Variants in GABRR1 observed in about 807,000 individuals in gnomAD.
The protein encoded by GABRR1 is gamma-aminobutyric acid receptor subunit rho-1.
In GABRR1, 59 loss-of-function variants were observed where a neutral mutation model predicts 55.5. That is an observed-to-expected ratio of 1.06 (90% CI 0.86 to 1.32). The LOEUF is 1.32. Among genes scored for constraint, GABRR1 ranks in the 40% most tolerant of loss-of-function variants. The pLI is 0.00. For synonymous variants in GABRR1, 213 were observed against 226.0 expected (o/e 0.94, Z 0.51); for missense variants, 602 against 619.1 (o/e 0.97, Z 0.29).
At chr6:89,209,950 C>T (rs538553157) in intron 1 of GABRR1, among the ~76,000 whole-genome samples, 3 of 152,200 alleles carry the variant, frequency 2.0e-5, no homozygotes, top group Admixed American at 2.0e-4. Context: ...TTGTGACGTA[C>T]AAAAACATTT....
At chr6:89,199,661 C>G (rs561480750) in intron 3 of GABRR1, among the ~76,000 whole-genome samples, 79 of 152,294 alleles carry the variant, frequency 5.2e-4, no homozygotes, top group African/African-American at 1.7e-3. Flanking sequence ...ATATGCTCAT[C>G]TGAAGGTATG....
chr6:89,198,436 G>A (rs1414536846), intron 4 of GABRR1, among the ~76,000 whole-genome samples, 193 bp from the exon 5 acceptor site: 2 of 150,786 alleles, frequency 1.3e-5, no homozygotes, highest in African/African-American at 2.4e-5. Context: ...GGGGCACAGC[G>A]TGGAACTCAG....
In GABRR1 at chr6:89,199,445, G is replaced by A. The variant is rs1385988106; in HGVS notation, c.281-16C>T. The A allele has an allele frequency of 1.2e-6, 2 of 1,612,904 alleles. No individual in the cohort carries two copies. Among genetic ancestry groups the A allele is most frequent in the African/African-American group, 1.3e-5 (1 of 75,020 alleles). ...ATGGCAGGGCCTGGGGACAGAGCAT[G>A]GCAAGAGCATTCACTGTTTTTACTT... On this transcript the variant is annotated splice_polypyrimidine_tract_variant and intron_variant, in intron 3 of 9. Coordinates refer to ENST00000454853, the MANE Select transcript of GABRR1 (RefSeq NM_002042.5).
intron 1 of GABRR1, among the ~76,000 whole-genome samples, chr6:89,230,833 T>C (rs1028340581): frequency 1.1e-4 from 16 of 150,642 alleles, no homozygotes; most frequent in African/African-American, 3.9e-4. Context: ...TAAGCAAGCC[T>C]GGGCAATGGC....
At chr6:89,189,108 A>C (rs1033783799) in intron 6 of GABRR1, among the ~76,000 whole-genome samples, 12 of 151,980 alleles carry the variant, frequency 7.9e-5, no homozygotes, top group Non-Finnish European at 1.5e-4. Context: ...ACATTCGCTT[A>C]GCCCTCTACT....
chr6:89,198,442 C>G (rs1352241687), intron 4 of GABRR1, among the ~76,000 whole-genome samples, 199 bp from the exon 5 acceptor site: 2 of 151,286 alleles, frequency 1.3e-5, no homozygotes, highest in African/African-American at 4.9e-5. Flanking sequence ...CAGCGTGGAA[C>G]TCAGAGAGAA....
At chr6:89,230,985 G>A (rs1773278580) in intron 1 of GABRR1, among the ~76,000 whole-genome samples, 1 of 151,954 alleles carries the variant, frequency 6.6e-6, no homozygotes, top group African/African-American at 2.4e-5. Flanking sequence ...TTTTAAGCCG[G>A]TCTGAAAAGC....
intron 5 of GABRR1, among the ~76,000 whole-genome samples, chr6:89,197,383 A>G (rs563456575): frequency 1.9e-4 from 29 of 152,358 alleles, no homozygotes; most frequent in Admixed American, 1.6e-3. Context: ...ATGTGCCTTG[A>G]GTACCATGAG....
chr6:89,182,091 C>A, intron 7 of GABRR1, 34 bp from the exon 8 acceptor site: 7 of 1,608,790 alleles, frequency 4.4e-6, no homozygotes, highest in Non-Finnish European at 5.9e-6. Context: ...CAGTACACAT[C>A]ATGGCTCCTT....
chr6:89,194,658 G>A (rs1428640719), intron 5 of GABRR1, among the ~76,000 whole-genome samples: 1 of 152,000 alleles, frequency 6.6e-6, no homozygotes, highest in Non-Finnish European at 1.5e-5. Flanking sequence ...ATTTATCAGA[G>A]AAATTTAACA....
chr6:89,213,027 T>C (rs1258766643), intron 1 of GABRR1, among the ~76,000 whole-genome samples: 1 of 152,194 alleles, frequency 6.6e-6, no homozygotes, highest in Admixed American at 6.5e-5. Flanking sequence ...CATTCTGATC[T>C]TGATTCTGCA....
intron 3 of GABRR1, among the ~76,000 whole-genome samples, chr6:89,200,231 TTC>T (rs1304904726): frequency 0.011 from 1,572 of 147,476 alleles, 19 homozygotes; most frequent in Non-Finnish European, 0.014. Context: ...AGATAATTAT[TTC>T]TTTTTCCCTT....
At chr6:89,185,857 C>T (rs373755802) in intron 6 of GABRR1, among the ~76,000 whole-genome samples, 39 of 152,210 alleles carry the variant, frequency 2.6e-4, no homozygotes, top group African/African-American at 8.2e-4. Context: ...CAAAGTGTGG[C>T]GACTCATCAA....
At chr6:89,185,483 G>A (rs406462) in intron 6 of GABRR1, 33 bp from the exon 7 acceptor site, 749,720 of 1,585,434 alleles carry the variant, frequency 0.47, 181,952 homozygotes, top group Middle Eastern at 0.54. Flanking sequence ...CAGACACAAG[G>A]TGGTGGCAAG....
In GABRR1 at chr6:89,217,279, C is replaced by A. The variant is rs758454717; in HGVS notation, c.44G>T (p.Trp15Leu). The change falls in exon 1 of 10, where the codon TGG becomes TTG. Residue 15 changes from tryptophan to leucine, a missense_variant. Trp to Leu is a moderately conservative substitution (Grantham distance 61, BLOSUM62 -2). Coordinates refer to ENST00000454853, the MANE Select transcript of GABRR1 (RefSeq NM_002042.5). ...PNMRFGIFLL[W>L]WGWVLATESR... ...TTCAGTGGCCAAAACCCATCCCCAC[C>A]ACAAAAGAAAGATGCCAAATCTCAT... is the stretch of plus-strand genomic sequence containing the variant. The A allele has an allele frequency of 6.2e-7, 1 of 1,614,128 alleles. No individual in the cohort carries two copies. The highest frequency in any genetic ancestry group is 1.7e-5 in the Admixed American group (1 of 60,018).
In GABRR1 at chr6:89,212,587, A is replaced by G. The variant is rs192866526; in HGVS notation, c.122+4614T>C. ...CTGAGCTGGCATGGTCCAGGGGCCC[A>G]TAGTGTAGACAAGTTATGTTTCCAT... is the stretch of plus-strand genomic sequence containing the variant. On this transcript the variant is annotated intron_variant, in intron 1 of 9. Transcript: ENST00000454853. Among the ~76,000 whole-genome samples the G allele has an allele frequency of 2.2e-3, 331 of 152,316 alleles. 3 individuals carry two copies. Among genetic ancestry groups the G allele is most frequent in the African/African-American group, 6.9e-3 (286 of 41,576 alleles).
Position 89,184,679 on chromosome 6 carries a change from G to A in GABRR1, c.796+631C>T, listed in dbSNP as rs182486391. On this transcript the variant is annotated intron_variant, in intron 7 of 9. Coordinates refer to ENST00000454853, the MANE Select transcript of GABRR1 (RefSeq NM_002042.5). Reference sequence around the variant, plus strand: ...GCTGTCAAGGAGGGGACTCGGATCAGCGTATCACGGCTGAGATGCCAGTTA... The same window carrying A: ...GCTGTCAAGGAGGGGACTCGGATCAACGTATCACGGCTGAGATGCCAGTTA... 3.8e-4 allele frequency among the ~76,000 whole-genome samples: 58 copies of A among 152,294 alleles called. 1 individual carries two copies. The highest frequency in any genetic ancestry group is 3.5e-3 in the Admixed American group (53 of 15,296).
intron 1 of GABRR1, among the ~76,000 whole-genome samples, chr6:89,207,405 G>A (rs143226426): frequency 6.6e-6 from 1 of 152,106 alleles, no homozygotes; most frequent in African/African-American, 2.4e-5. Context: ...ATGTTGCCCA[G>A]GCTGGTCTTG....
intron 2 of GABRR1, among the ~76,000 whole-genome samples, 196 bp downstream of exon 2, chr6:89,203,239 C>G (rs957998262): frequency 2.6e-5 from 4 of 152,200 alleles, no homozygotes; most frequent in African/African-American, 9.7e-5. Flanking sequence ...GACATCCTCT[C>G]TCACCAGCTC....
Sources: allele counts gnomAD v4.1 joint callset (sites outside exome capture counted in the v4.1 genomes callset), GRCh38; gene constraint gnomAD v4.1.1; transcripts MANE v1.5; gene names NCBI Gene and HGNC (gene_info 2026-07-23, HGNC 2026-07-21).